PACS1: variants seen among roughly 807,000 people sequenced by gnomAD.
PACS1 encodes PACS-1.
Under a neutral mutation model 115.0 loss-of-function variants are expected in PACS1, and 24 were observed. The ratio of observed to expected loss-of-function variants is 0.21; its 90% CI spans 0.15 to 0.29. The LOEUF (loss-of-function observed/expected upper bound fraction) is 0.29, where lower values mean the gene tolerates loss of function less well. PACS1 is among the 10% of genes least tolerant of loss of function. The pLI is 1.00. For synonymous variants in PACS1, 453 were observed against 504.5 expected, an observed-to-expected ratio of 0.90 and a Z score of 1.37; for missense variants, 838 against 1,251.2, an observed-to-expected ratio of 0.67 and a Z score of 4.98.
intron 1 of PACS1, among the ~76,000 whole-genome samples, chr11:66,124,107 G>A (rs1858515912): frequency 6.6e-6 from 1 of 152,208 alleles, no homozygotes; most frequent in Non-Finnish European, 1.5e-5. Context: ...CAGGCCATGG[G>A]CATTCTAGTG....
At position 66,119,222 on chromosome 11, in the gene PACS1, C is replaced by A. The variant is rs1476676790; in HGVS notation, c.356+48380C>A. Among the ~76,000 whole-genome samples, 4 of 152,172 alleles carry A rather than the reference C, an allele frequency of 2.6e-5. No individual in the cohort carries two copies. The East Asian group carries it at 7.7e-4, about 29-fold the overall frequency. The stretch of plus-strand genomic sequence containing the variant: ...GTTTTTGTGTAGCCCATAAGACATA[C>A]CTTTCTAAGTACTATAGCTGAAAAA... On this transcript the variant is annotated intron_variant, in intron 1 of 23. Coordinates refer to ENST00000320580, the MANE Select transcript of PACS1 (RefSeq NM_018026.4).
At chr11:66,224,500 G>A (rs1157112390) in intron 10 of PACS1, among the ~76,000 whole-genome samples, 1 of 152,212 alleles carries the variant, frequency 6.6e-6, no homozygotes, top group Non-Finnish European at 1.5e-5. Context: ...ACTGCTCATT[G>A]CTCACCGACT....
chr11:66,181,862 A>G (rs2134656058), intron 1 of PACS1, among the ~76,000 whole-genome samples: 1 of 152,320 alleles, frequency 6.6e-6, no homozygotes, highest in Admixed American at 6.5e-5. Context: ...AAGAACTGGA[A>G]TTTAAGTGAC....
intron 2 of PACS1, among the ~76,000 whole-genome samples, chr11:66,202,779 A>ATATATATATATT (rs1854845288): frequency 7.6e-6 from 1 of 131,370 alleles, no homozygotes; most frequent in African/African-American, 2.9e-5. Flanking sequence ...ATATATATAT[A>ATATATATATATT]TATTCTGAAA....
intron 1 of PACS1, among the ~76,000 whole-genome samples, chr11:66,168,255 T>A (rs1859652433): frequency 6.6e-6 from 1 of 150,502 alleles, no homozygotes; most frequent in Admixed American, 6.6e-5. Context: ...CTGTTGGAAT[T>A]TTGATCGGTG....
chr11:66,138,698 T>TA (rs1028508652), intron 1 of PACS1, among the ~76,000 whole-genome samples: 3 of 151,952 alleles, frequency 2.0e-5, no homozygotes, highest in African/African-American at 7.3e-5. Context: ...TTTTTTTTTT[T>TA]TCGAGACAAA....
At chr11:66,124,721 C>T (rs1323380775) in intron 1 of PACS1, among the ~76,000 whole-genome samples, 1 of 152,184 alleles carries the variant, frequency 6.6e-6, no homozygotes, top group Non-Finnish European at 1.5e-5. Flanking sequence ...CAGTGTGTGT[C>T]ATCAGTTAGA....
At chr11:66,071,722 T>C (rs931651222) in intron 1 of PACS1, among the ~76,000 whole-genome samples, 1 of 152,192 alleles carries the variant, frequency 6.6e-6, no homozygotes, top group Non-Finnish European at 1.5e-5. Flanking sequence ...GTGTTCTTTT[T>C]TGTCACCTTG....
At chr11:66,182,620 G>T (rs1284145180) in intron 1 of PACS1, among the ~76,000 whole-genome samples, 2 of 152,006 alleles carry the variant, frequency 1.3e-5, no homozygotes, top group African/African-American at 4.8e-5. Flanking sequence ...GTAGGCACAT[G>T]GGCGCGTGTG....
intron 1 of PACS1, among the ~76,000 whole-genome samples, chr11:66,142,615 A>G (rs561878962): frequency 6.8e-6 from 1 of 146,260 alleles, no homozygotes; most frequent in African/African-American, 2.6e-5. Flanking sequence ...GCTTATCAGC[A>G]TTTTATTAAA....
rs774126654 is a variant in PACS1, at chr11:66,241,703, C to T, written c.2656+50C>T. 87 of 1,440,092 alleles carry T rather than the reference C, an allele frequency of 6.0e-5. No homozygotes were observed. The East Asian group carries it at 2.0e-3, about 33-fold the overall frequency. The allele number at this position is 1,440,092 out of a possible 1,614,324, so 89.2% of individuals were successfully genotyped here. ...GACCATGGGCCACCAGGCCTCCCGT[C>T]TCGTCTCTCAGGGCCTGGGAATAAA... On this transcript the variant is annotated intron_variant, in intron 22 of 23. Transcript: ENST00000320580.
chr11:66,106,375 C>T (rs1858039988), intron 1 of PACS1, among the ~76,000 whole-genome samples: 1 of 152,072 alleles, frequency 6.6e-6, no homozygotes, highest in Non-Finnish European at 1.5e-5. Flanking sequence ...AGTTCAAGAC[C>T]AACCTGGCCA....
At chr11:66,238,071 C>T (rs1257175299) in intron 19 of PACS1, 1 of 985,296 alleles carries the variant, frequency 1.0e-6, no homozygotes, top group East Asian at 1.1e-4. Flanking sequence ...CCTGGATGCT[C>T]ACCTAGTCTG....
intron 1 of PACS1, among the ~76,000 whole-genome samples, chr11:66,094,874 A>T (rs1164401304): frequency 6.6e-6 from 1 of 152,072 alleles, no homozygotes; most frequent in African/African-American, 2.4e-5. Flanking sequence ...CATCCCTGGG[A>T]TGCAAGGCTG....
chr11:66,227,648 G>A (rs1425382745), intron 11 of PACS1, 64 bp downstream of exon 11: 31 of 1,032,430 alleles, frequency 3.0e-5, no homozygotes, highest in East Asian at 4.9e-5. Flanking sequence ...TAGAAATAAC[G>A]GCAGAAGGAC....
At chr11:66,076,699 G>T (rs1417171027) in intron 1 of PACS1, among the ~76,000 whole-genome samples, 3 of 152,154 alleles carry the variant, frequency 2.0e-5, no homozygotes, top group Non-Finnish European at 4.4e-5. Context: ...GGACTGGCCT[G>T]GACTTGAAGG....
chr11:66,138,755 T>G (rs1858906648), intron 1 of PACS1, among the ~76,000 whole-genome samples: 1 of 151,818 alleles, frequency 6.6e-6, no homozygotes, highest in South Asian at 2.1e-4. Context: ...CGATCTTGGC[T>G]CACTGCAACC....
intron 2 of PACS1, among the ~76,000 whole-genome samples, chr11:66,208,904 A>G (rs1356837524): frequency 6.6e-6 from 1 of 152,186 alleles, no homozygotes; most frequent in East Asian, 1.9e-4. Context: ...TGGAAATTCT[A>G]CCACATCCTT....
intron 1 of PACS1, among the ~76,000 whole-genome samples, chr11:66,166,175 TCTTAC>T (rs1859596949): frequency 6.6e-6 from 1 of 151,908 alleles, no homozygotes; most frequent in Non-Finnish European, 1.5e-5. Flanking sequence ...TGAGACAGAG[TCTTAC>T]TCTGTCACCC....
Sources: allele counts gnomAD v4.1 joint callset (sites outside exome capture counted in the v4.1 genomes callset), GRCh38; gene constraint gnomAD v4.1.1; transcripts MANE v1.5; gene names NCBI Gene and HGNC (gene_info 2026-07-23, HGNC 2026-07-21).